The following LMCD1 variants were observed in gnomAD, a reference collection of about 807,000 sequenced individuals.
The protein encoded by LMCD1 is LIM and cysteine rich domains 1.
In LMCD1, 32 loss-of-function variants were observed where a neutral mutation model predicts 42.7. The observed-to-expected ratio is 0.75, with a 90% CI of 0.57 to 1.01. LMCD1 has a LOEUF of 1.01. Ranked by LOEUF, LMCD1 falls within the 50% of genes least tolerant of loss-of-function variation. LMCD1 has a pLI of 0.00. For synonymous variants in LMCD1, 178 were observed against 184.9 expected (o/e 0.96, Z 0.30); for missense variants, 458 against 483.1 (o/e 0.95, Z 0.49).
chr3:8,564,457 A>C (rs1193784617), intron 4 of LMCD1, among the ~76,000 whole-genome samples: 2 of 152,072 alleles, frequency 1.3e-5, no homozygotes, highest in African/African-American at 2.4e-5. Flanking sequence ...TTTTTTGTAG[A>C]GATGGGGTCT....
At position 8,567,663 on chromosome 3, in the gene LMCD1, G is replaced by T; in HGVS notation, c.*65G>T. 2.0e-6 allele frequency: 3 copies of T among 1,538,388 alleles called. No homozygotes were observed. The highest frequency in any genetic ancestry group is 2.4e-5 in the South Asian group (2 of 83,770). ...CGAGAAGGAGAGCCAGGTGTGCCGA[G>T]ACCATCCTAAGGGTCCGATGTGACA... is the stretch of plus-strand genomic sequence containing the variant. On this transcript the variant is annotated 3_prime_UTR_variant, in exon 6 of 6. Transcript: ENST00000157600.
At chr3:8,527,214 G>T (rs1694317546) in intron 1 of LMCD1, among the ~76,000 whole-genome samples, 1 of 152,186 alleles carries the variant, frequency 6.6e-6, no homozygotes, top group South Asian at 2.1e-4. Context: ...CTATGATCAT[G>T]ATCACTGGGA....
At chr3:8,538,074 C>T (rs1302276927) in intron 3 of LMCD1, among the ~76,000 whole-genome samples, 1 of 152,204 alleles carries the variant, frequency 6.6e-6, no homozygotes, top group Non-Finnish European at 1.5e-5. Context: ...CAGAAGGTCT[C>T]CATACCCAGG....
chr3:8,566,768 C>T (rs1695139161), intron 5 of LMCD1, among the ~76,000 whole-genome samples: 1 of 152,198 alleles, frequency 6.6e-6, no homozygotes, highest in Non-Finnish European at 1.5e-5. Context: ...TGTCAGTCAA[C>T]ATTCTAAGCC....
At chr3:8,542,001 G>GC (rs1475671602) in intron 3 of LMCD1, among the ~76,000 whole-genome samples, 4 of 88,696 alleles carry the variant, frequency 4.5e-5, no homozygotes, top group Non-Finnish European at 1.0e-4. Context: ...AGAGGCTGGA[G>GC]CTTTTTTTTT....
chr3:8,506,149 G>C (rs1402035653), intron 1 of LMCD1, among the ~76,000 whole-genome samples: 1 of 152,166 alleles, frequency 6.6e-6, no homozygotes, highest in African/African-American at 2.4e-5. Flanking sequence ...GGAGTTGGGG[G>C]CTGACAGTTG....
At chr3:8,506,758 G>A (rs1408547764) in intron 1 of LMCD1, among the ~76,000 whole-genome samples, 2 of 152,170 alleles carry the variant, frequency 1.3e-5, no homozygotes, top group African/African-American at 2.4e-5. Flanking sequence ...GCAGGGGCGT[G>A]AGTCATTATA....
At chr3:8,513,410 C>A (rs1032019890) in intron 1 of LMCD1, among the ~76,000 whole-genome samples, 1 of 152,162 alleles carries the variant, frequency 6.6e-6, no homozygotes, top group African/African-American at 2.4e-5. Flanking sequence ...CTCCTGTCCT[C>A]ACTCAGGTGG....
rs1170461678 is a variant in LMCD1 at position 8,548,904 on chromosome 3, G to A, written c.723+1G>A. Reference sequence around the variant, plus strand: ...TGACCCGTCCAAAGAAGTGGAATACGTAAGTTTCTCCCATGCTTCCAGCCA... The same window carrying A: ...TGACCCGTCCAAAGAAGTGGAATACATAAGTTTCTCCCATGCTTCCAGCCA... On this transcript the variant is annotated splice_donor_variant, in intron 4 of 5. Coordinates refer to ENST00000157600, the MANE Select transcript of LMCD1 (RefSeq NM_014583.4). LOFTEE classifies it high-confidence loss of function. 2 of 1,506,562 alleles carry A rather than the reference G, an allele frequency of 1.3e-6. No individual in the cohort carries two copies. The highest frequency in any genetic ancestry group is 1.4e-5 in the South Asian group (1 of 72,540). 93.3% of individuals were successfully genotyped at this position (1,506,562 alleles called of 1,614,324 possible). A position where few individuals can be genotyped will look rare whatever the true frequency, so the allele number is the denominator to read the frequency against.
chr3:8,501,831 C>A lies in LMCD1; in HGVS notation c.-108C>A. 1 of 932,398 alleles carries A rather than the reference C, an allele frequency of 1.1e-6. No individual in the cohort carries two copies. The highest frequency in any genetic ancestry group is 1.6e-5 in the South Asian group (1 of 62,062). 57.8% of individuals were successfully genotyped at this position (932,398 alleles called of 1,614,324 possible). On this transcript the variant is annotated 5_prime_UTR_variant, in exon 1 of 6. Transcript: ENST00000157600. ...CAGCTGCGCCTGGCTGCGCACAGAGCTCCCTCCCAGGCCCGCGAACTTGGC... is the reference window on the plus strand; with the variant it reads ...CAGCTGCGCCTGGCTGCGCACAGAGATCCCTCCCAGGCCCGCGAACTTGGC...
At chr3:8,524,355 G>A (rs1694258931) in intron 1 of LMCD1, among the ~76,000 whole-genome samples, 1 of 152,160 alleles carries the variant, frequency 6.6e-6, no homozygotes, top group South Asian at 2.1e-4. Flanking sequence ...GCCTCAGGCA[G>A]GGCAGAGGGT....
At chr3:8,543,839 A>C (rs1306534106) in intron 3 of LMCD1, among the ~76,000 whole-genome samples, 1 of 152,170 alleles carries the variant, frequency 6.6e-6, no homozygotes, top group Non-Finnish European at 1.5e-5. Context: ...AACTTTTCAC[A>C]AGGTCTCCCA....
intron 1 of LMCD1, among the ~76,000 whole-genome samples, chr3:8,509,399 A>G (rs570613113): frequency 2.6e-5 from 4 of 152,272 alleles, no homozygotes; most frequent in African/African-American, 7.2e-5. Flanking sequence ...TACCCTTTCC[A>G]TAGCAGCCCT....
At chr3:8,563,905 C>A (rs1175209420) in intron 4 of LMCD1, among the ~76,000 whole-genome samples, 1 of 152,214 alleles carries the variant, frequency 6.6e-6, no homozygotes, top group Non-Finnish European at 1.5e-5. Context: ...ATAGTAACAT[C>A]AGGCAAATCC....
intron 1 of LMCD1, among the ~76,000 whole-genome samples, chr3:8,504,112 A>AT (rs1297932870): frequency 2.6e-5 from 4 of 152,042 alleles, no homozygotes; most frequent in East Asian, 1.9e-4. Context: ...GAAAGGGCAG[A>AT]TTTTTTTTAT....
At chr3:8,567,406 C>G (rs1299851394) in intron 5 of LMCD1, 34 bp from the exon 6 acceptor site, 10 of 1,606,800 alleles carry the variant, frequency 6.2e-6, no homozygotes, top group Non-Finnish European at 8.5e-6. Flanking sequence ...GGGACAGAAA[C>G]TGAGTCATGC....
intron 4 of LMCD1, among the ~76,000 whole-genome samples, chr3:8,560,211 G>A (rs972581045): frequency 1.0e-4 from 14 of 136,322 alleles, no homozygotes; most frequent in Middle Eastern, 3.7e-3. Flanking sequence ...ACCAGTCTGC[G>A]TAACATAGTG....
Position 8,573,379 on chromosome 3 carries a change from T to A in LMCD1, c.*5781T>A, listed in dbSNP as rs1306187183. The A allele has an allele frequency of 3.3e-5, 5 of 152,226 alleles. No individual in the cohort carries two copies. The highest frequency in any genetic ancestry group is 3.3e-4 in the Admixed American group (5 of 15,280). The allele number at this position is 152,226 out of a possible 1,614,324, so 9.4% of individuals were successfully genotyped here. On this transcript the variant is annotated 3_prime_UTR_variant, in exon 6 of 6. Coordinates refer to ENST00000157600, the MANE Select transcript of LMCD1 (RefSeq NM_014583.4). ...CATTACCTCACATAGTTATTTTTTG[T>A]GGTGAGAACATTTTAAAAATATTGT...
At chr3:8,516,001 G>T (rs562844222) in intron 1 of LMCD1, among the ~76,000 whole-genome samples, 2 of 152,268 alleles carry the variant, frequency 1.3e-5, no homozygotes, top group East Asian at 3.9e-4. Flanking sequence ...GGGGAAGCCA[G>T]CGCACCAAAC....
Sources: gnomAD v4.1 joint callset for allele counts (sites outside exome capture counted in the v4.1 genomes callset) on GRCh38, gnomAD v4.1.1 for gene constraint, MANE v1.5 for transcripts, NCBI Gene and HGNC (gene_info 2026-07-23, HGNC 2026-07-21) for gene names.